PCDH9: variants seen among roughly 807,000 people sequenced by gnomAD.
PCDH9 encodes protocadherin-9.
PCDH9 carries 24 observed loss-of-function variants against 70.6 expected under a neutral mutation model. That is an observed-to-expected ratio of 0.34 (90% confidence interval 0.25 to 0.48). PCDH9 has a LOEUF of 0.48. Among genes scored for constraint, PCDH9 ranks in the 20% least tolerant of loss-of-function variants. The pLI is 0.99. For synonymous variants in PCDH9, 562 were observed against 558.5 expected (o/e 1.01, Z -0.09); for missense variants, 1,281 against 1,503.6 (o/e 0.85, Z 2.45).
intron 4 of PCDH9, among the ~76,000 whole-genome samples, chr13:66,529,026 A>C (rs1288422532): frequency 6.6e-6 from 1 of 152,110 alleles, no homozygotes; most frequent in Non-Finnish European, 1.5e-5. Flanking sequence ...GATTGCTTCC[A>C]CACTGTACCT....
At chr13:66,421,417 C>A (rs561263204) in intron 4 of PCDH9, among the ~76,000 whole-genome samples, 1 of 152,122 alleles carries the variant, frequency 6.6e-6, no homozygotes, top group Non-Finnish European at 1.5e-5. Flanking sequence ...ATGTTAAGGG[C>A]AGCTAGGGAA....
chr13:66,938,237 G>T (rs911129662), intron 2 of PCDH9, among the ~76,000 whole-genome samples: 6 of 151,992 alleles, frequency 3.9e-5, no homozygotes, highest in African/African-American at 1.2e-4. Context: ...AAAAGAAGAA[G>T]GCATCAACAG....
At chr13:67,161,667 A>G (rs1449840395) in intron 2 of PCDH9, among the ~76,000 whole-genome samples, 1 of 152,202 alleles carries the variant, frequency 6.6e-6, no homozygotes, top group African/African-American at 2.4e-5. Context: ...TACCACTCAC[A>G]GTGTACAGAA....
chr13:66,804,056 G>A (rs2080371270), intron 3 of PCDH9, among the ~76,000 whole-genome samples: 1 of 152,148 alleles, frequency 6.6e-6, no homozygotes, highest in South Asian at 2.1e-4. Context: ...CATTTGCCTG[G>A]TTAAAATCAA....
intron 4 of PCDH9, among the ~76,000 whole-genome samples, chr13:66,451,825 T>TA (rs1958218214): frequency 6.6e-6 from 1 of 152,230 alleles, no homozygotes; most frequent in South Asian, 2.1e-4. Flanking sequence ...GATCCTGTGA[T>TA]ATTCCTTTTT....
Position 66,903,702 on chromosome 13 carries a change from C to T in PCDH9, c.3037-97G>A, listed in dbSNP as rs2082314023. 7 of 532,638 alleles carry T rather than the reference C, an allele frequency of 1.3e-5. No homozygotes were observed. In the South Asian group the frequency reaches 1.9e-4, roughly 15 times the overall value. 33.0% of individuals were successfully genotyped at this position (532,638 alleles called of 1,614,324 possible). ...TTGCTATGAGCCTAATAAAGGAATA[C>T]CACTTGAGCTAACAAGGGTCCACAC... On this transcript the variant is annotated intron_variant, in intron 2 of 4. Transcript: ENST00000377865.
chr13:66,996,123 A>G (rs2084109538), intron 2 of PCDH9: 1 of 152,228 alleles, frequency 6.6e-6, no homozygotes, highest in Admixed American at 6.5e-5. Flanking sequence ...AGGCACAAGG[A>G]AAGTGCTATG....
intron 2 of PCDH9, chr13:67,211,377 T>C (rs2089464517): frequency 6.6e-6 from 1 of 152,052 alleles, no homozygotes; most frequent in East Asian, 1.9e-4. Flanking sequence ...GCAATTAAAA[T>C]AGTATGTTTT....
intron 4 of PCDH9, chr13:66,323,608 T>C (rs1467646817): frequency 6.6e-6 from 1 of 150,534 alleles, no homozygotes; most frequent in Admixed American, 6.6e-5. Flanking sequence ...GTAGATTTTG[T>C]GGGCAGTGTA....
At chr13:66,318,000 T>C (rs1955684593) in intron 4 of PCDH9, among the ~76,000 whole-genome samples, 1 of 152,116 alleles carries the variant, frequency 6.6e-6, no homozygotes, top group Admixed American at 6.5e-5. Flanking sequence ...TGAAAGAATC[T>C]CCTAAGGGAA....
chr13:66,673,277 A>C (rs1299378861), intron 3 of PCDH9, among the ~76,000 whole-genome samples: 2 of 152,172 alleles, frequency 1.3e-5, no homozygotes, highest in African/African-American at 4.8e-5. Context: ...GTTCCCCTGC[A>C]CATGCTCTCT....
chr13:66,466,400 C>T (rs1054106532), intron 4 of PCDH9, among the ~76,000 whole-genome samples: 1 of 152,086 alleles, frequency 6.6e-6, no homozygotes, highest in Non-Finnish European at 1.5e-5. Context: ...ATTTATGATG[C>T]CAGTATTCCC....
chr13:67,011,810 C>A (rs1464758949), intron 2 of PCDH9, among the ~76,000 whole-genome samples: 1 of 151,892 alleles, frequency 6.6e-6, no homozygotes, highest in African/African-American at 2.4e-5. Flanking sequence ...GGGATGTTCA[C>A]ATTTAGATCA....
intron 2 of PCDH9, among the ~76,000 whole-genome samples, chr13:66,937,274 G>A (rs2082932046): frequency 6.6e-6 from 1 of 152,154 alleles, no homozygotes; most frequent in Non-Finnish European, 1.5e-5. Context: ...TCTCAGTAAT[G>A]TTATTTAACT....
In PCDH9 at chr13:67,228,536, G is replaced by A; in HGVS notation, c.-96C>T. ...TGCAAGAGGAAGCGTGCATGGACTG[G>A]AGGATGCATTATATCTCATCACTTA... On this transcript the variant is annotated 5_prime_UTR_variant, in exon 2 of 5. Transcript: ENST00000377865. 1 of 970,056 alleles carries A rather than the reference G, an allele frequency of 1.0e-6. No individual in the cohort carries two copies. The highest frequency in any genetic ancestry group is 1.5e-6 in the Non-Finnish European group (1 of 659,664). The allele number at this position is 970,056 out of a possible 1,614,324, so 60.1% of individuals were successfully genotyped here. A position where few individuals can be genotyped will look rare whatever the true frequency, so the allele number is the denominator to read the frequency against.
At chr13:66,869,398 A>C (rs2081631949) in intron 3 of PCDH9, among the ~76,000 whole-genome samples, 1 of 152,124 alleles carries the variant, frequency 6.6e-6, no homozygotes, top group Non-Finnish European at 1.5e-5. Context: ...CTAGGGAAGA[A>C]AACTGAAGCA....
chr13:66,515,020 A>G (rs2138593542), intron 4 of PCDH9, among the ~76,000 whole-genome samples: 1 of 152,176 alleles, frequency 6.6e-6, no homozygotes, highest in South Asian at 2.1e-4. Flanking sequence ...CCCTGATTAT[A>G]CCTGGAATTC....
At chr13:66,583,908 A>C (rs1324397752) in intron 4 of PCDH9, among the ~76,000 whole-genome samples, 1 of 152,176 alleles carries the variant, frequency 6.6e-6, no homozygotes, top group African/African-American at 2.4e-5. Context: ...CACTACATGT[A>C]GGTTATACAG....
At position 67,129,053 on chromosome 13, in the gene PCDH9, T is replaced by G. The variant is rs546661990; in HGVS notation, c.3036+96352A>C. ...AATTTTTTTTTACTTAACACCACCT[T>G]GGGACAGAAGTCAATCCTCTGAGAA... On this transcript the variant is annotated intron_variant, in intron 2 of 4. Transcript: ENST00000377865. Among the ~76,000 whole-genome samples the G allele has an allele frequency of 9.0e-4, 137 of 152,286 alleles. 1 individual carries two copies. Among genetic ancestry groups the G allele is most frequent in the Non-Finnish European group, 2.5e-4 (17 of 68,016 alleles).
Sources: gnomAD v4.1 joint callset for allele counts (sites outside exome capture counted in the v4.1 genomes callset) on GRCh38, gnomAD v4.1.1 for gene constraint, MANE v1.5 for transcripts, NCBI Gene and HGNC (gene_info 2026-07-23, HGNC 2026-07-21) for gene names.